CPNE4: variants seen among roughly 807,000 people sequenced by gnomAD.
CPNE4 encodes the protein copine-4.
A neutral mutation model predicts 67.9 loss-of-function variants in CPNE4; 25 were observed. The ratio of observed to expected loss-of-function variants is 0.37; its 90% CI spans 0.27 to 0.51. The LOEUF (loss-of-function observed/expected upper bound fraction) is 0.51, where lower values mean the gene tolerates loss of function less well. Among genes scored for constraint, CPNE4 ranks in the 20% least tolerant of loss-of-function variants. The pLI, the probability that CPNE4 is intolerant of heterozygous loss-of-function variation, is 0.93. For missense variants in CPNE4, 464 were observed against 690.8 expected (o/e 0.67, Z 3.68); for synonymous variants, 242 against 244.9 (o/e 0.99, Z 0.11).
intron 7 of CPNE4, among the ~76,000 whole-genome samples, chr3:131,629,367 A>G (rs552832079): frequency 6.7e-6 from 1 of 148,258 alleles, no homozygotes; most frequent in East Asian, 1.9e-4. Context: ...TAGCAAGAAT[A>G]TTTTTAAATT....
chr3:131,967,099 A>T (rs1184389746), intron 1 of CPNE4, among the ~76,000 whole-genome samples: 1 of 152,252 alleles, frequency 6.6e-6, no homozygotes, highest in Non-Finnish European at 1.5e-5. Context: ...AATCCATCAC[A>T]TAAATAGAAC....
intron 2 of CPNE4, among the ~76,000 whole-genome samples, chr3:131,810,539 T>C (rs537452767): frequency 6.6e-6 from 1 of 152,062 alleles, no homozygotes. Context: ...GTTAGTTAAG[T>C]GTTAGTGAGG....
At chr3:132,033,620 C>T (rs1583626064) in intron 1 of CPNE4, among the ~76,000 whole-genome samples, 1 of 152,302 alleles carries the variant, frequency 6.6e-6, no homozygotes, top group Non-Finnish European at 1.5e-5. Context: ...CTAGCAGGTT[C>T]TGGGGCTGAA....
At chr3:131,770,374 T>C (rs752715905) in intron 2 of CPNE4, among the ~76,000 whole-genome samples, 9 of 152,242 alleles carry the variant, frequency 5.9e-5, no homozygotes, top group Non-Finnish European at 1.2e-4. Flanking sequence ...CAAGAAATAC[T>C]GAAGTTGTAC....
intron 2 of CPNE4, among the ~76,000 whole-genome samples, chr3:131,771,801 G>A (rs778578146): frequency 3.3e-5 from 5 of 152,132 alleles, no homozygotes; most frequent in Admixed American, 6.5e-5. Flanking sequence ...TCCCCATTCT[G>A]ATTAGGTTGA....
chr3:131,972,422 C>T (rs2072528695), intron 1 of CPNE4, among the ~76,000 whole-genome samples: 1 of 152,170 alleles, frequency 6.6e-6, no homozygotes, highest in Non-Finnish European at 1.5e-5. Flanking sequence ...AAATGCCAAT[C>T]CCCAGTGATC....
intron 2 of CPNE4, among the ~76,000 whole-genome samples, chr3:131,735,021 A>G: frequency 6.6e-6 from 1 of 152,208 alleles, no homozygotes; most frequent in South Asian, 2.1e-4. Flanking sequence ...CTTATTTCAC[A>G]GCTTCTTGCA....
chr3:131,630,847 G>A (rs533967927), intron 7 of CPNE4, among the ~76,000 whole-genome samples: 1 of 152,342 alleles, frequency 6.6e-6, no homozygotes, highest in Admixed American at 6.5e-5. Flanking sequence ...TAGATGTAGA[G>A]ATAGGGAGAT....
intron 12 of CPNE4, among the ~76,000 whole-genome samples, chr3:131,554,073 T>C (rs1382946240): frequency 2.0e-5 from 3 of 152,070 alleles, no homozygotes; most frequent in Non-Finnish European, 4.4e-5. Flanking sequence ...GGTGCATAGC[T>C]CTGTCCTCAG....
chr3:131,873,193 TTC>T (rs1477796693), intron 2 of CPNE4, among the ~76,000 whole-genome samples: 2 of 152,210 alleles, frequency 1.3e-5, no homozygotes, highest in Non-Finnish European at 2.9e-5. Flanking sequence ...TCTCAACCTT[TTC>T]TCTTTGTTTT....
chr3:131,867,744 C>G (rs2087016239), intron 2 of CPNE4, among the ~76,000 whole-genome samples: 1 of 152,168 alleles, frequency 6.6e-6, no homozygotes, highest in Non-Finnish European at 1.5e-5. Flanking sequence ...GGTTCTGCCA[C>G]TAACCAATTT....
chr3:131,733,501 C>T (rs1432170533), intron 2 of CPNE4, among the ~76,000 whole-genome samples: 1 of 152,216 alleles, frequency 6.6e-6, no homozygotes, highest in East Asian at 1.9e-4. Context: ...AGATGTTTTT[C>T]AGTCCTAAAT....
intron 2 of CPNE4, among the ~76,000 whole-genome samples, chr3:131,805,628 T>A (rs1398861323): frequency 2.0e-5 from 3 of 152,182 alleles, no homozygotes; most frequent in Admixed American, 2.0e-4. Flanking sequence ...GTCTGCTGGG[T>A]GATGCCGGCT....
chr3:132,026,468 G>A (rs1389059302), intron 1 of CPNE4, among the ~76,000 whole-genome samples: 2 of 152,176 alleles, frequency 1.3e-5, no homozygotes, highest in African/African-American at 4.8e-5. Flanking sequence ...ATGAAGCATG[G>A]ACTGGATAAA....
intron 6 of CPNE4, among the ~76,000 whole-genome samples, chr3:131,685,646 G>C (rs1160914484): frequency 6.6e-6 from 1 of 152,140 alleles, no homozygotes; most frequent in African/African-American, 2.4e-5. Context: ...GCTCGGCGTG[G>C]TGGTGGGTGC....
At chr3:131,948,087 C>T (rs1250456304) in intron 1 of CPNE4, among the ~76,000 whole-genome samples, 1 of 152,072 alleles carries the variant, frequency 6.6e-6, no homozygotes, top group African/African-American at 2.4e-5. Flanking sequence ...TTTCAATGTA[C>T]AAGACTTTTA....
intron 15 of CPNE4, 24 bp from the exon 16 acceptor site, chr3:131,535,353 T>G (rs1358817672): frequency 6.2e-7 from 1 of 1,600,644 alleles, no homozygotes; most frequent in African/African-American, 1.3e-5. Flanking sequence ...GAAATCATCA[T>G]GACGTTGGCT....
At chr3:131,750,662 T>C (rs564073917) in intron 2 of CPNE4, among the ~76,000 whole-genome samples, 3 of 152,242 alleles carry the variant, frequency 2.0e-5, no homozygotes, top group South Asian at 4.1e-4. Context: ...AGTGTTACAA[T>C]TTTTGCCTCA....
rs144175361 is a variant in CPNE4, at chr3:131,926,396, TA to T, written c.-1-20953del. 1.7e-3 allele frequency among the ~76,000 whole-genome samples: 263 copies of T among 152,208 alleles called. 3 individuals are homozygous for T. The East Asian group carries it at 0.042, about 24-fold the overall frequency. On this transcript the variant is annotated intron_variant, in intron 1 of 15. Coordinates refer to ENST00000429747, the MANE Select transcript of CPNE4 (RefSeq NM_130808.3). ...CACACTAAGAATTTAAGATGAAAAATAATAATCCTTGTAACAAATAAATTTG... is the reference window on the plus strand; with the variant it reads ...CACACTAAGAATTTAAGATGAAAAATATAATCCTTGTAACAAATAAATTTG...
Sources: allele counts gnomAD v4.1 joint callset (sites outside exome capture counted in the v4.1 genomes callset), GRCh38; gene constraint gnomAD v4.1.1; transcripts MANE v1.5; gene names NCBI Gene and HGNC (gene_info 2026-07-23, HGNC 2026-07-21).